Variants in WNT2 observed in about 807,000 individuals in gnomAD.
WNT2 encodes the protein Wnt family member 2.
In WNT2, 12 loss-of-function variants were observed where a neutral mutation model predicts 36.9. That is an observed-to-expected ratio of 0.33 (90% CI 0.21 to 0.53). WNT2 has a LOEUF of 0.53. WNT2 is among the 20% of genes least tolerant of loss of function. The pLI is 0.95. For missense variants in WNT2, 379 were observed against 473.1 expected (o/e 0.80, Z 1.84); for synonymous variants, 163 against 174.6 (o/e 0.93, Z 0.52).
At chr7:117,314,452 A>T (rs1795176905) in intron 3 of WNT2, among the ~76,000 whole-genome samples, 1 of 152,194 alleles carries the variant, frequency 6.6e-6, no homozygotes, top group Non-Finnish European at 1.5e-5. Flanking sequence ...TAAAGGGTGT[A>T]CACTGACTGG....
chr7:117,283,101 T>A (rs1489241309), intron 4 of WNT2, among the ~76,000 whole-genome samples: 1 of 152,116 alleles, frequency 6.6e-6, no homozygotes, highest in African/African-American at 2.4e-5. Context: ...TTTCAACAGG[T>A]TGAGTTTGCT....
intron 4 of WNT2, 139 bp downstream of exon 4, chr7:117,297,473 T>C (rs1794814313): frequency 8.5e-6 from 10 of 1,172,034 alleles, no homozygotes; most frequent in Non-Finnish European, 1.2e-5. Flanking sequence ...CCCAGCCCTG[T>C]ACAGTTTCAA....
At chr7:117,283,328 G>T (rs1794521473) in intron 4 of WNT2, among the ~76,000 whole-genome samples, 1 of 152,190 alleles carries the variant, frequency 6.6e-6, no homozygotes, top group African/African-American at 2.4e-5. Flanking sequence ...TTGTTCACAT[G>T]CGCTGAGCAG....
chr7:117,309,619 A>G (rs1447192516), intron 3 of WNT2, among the ~76,000 whole-genome samples: 1 of 152,212 alleles, frequency 6.6e-6, no homozygotes, highest in East Asian at 1.9e-4. Context: ...CACCTGGTGT[A>G]TATGCATAAG....
chr7:117,304,737 T>G (rs1359822148), intron 3 of WNT2, among the ~76,000 whole-genome samples: 1 of 152,126 alleles, frequency 6.6e-6, no homozygotes. Flanking sequence ...CATCTGGTCA[T>G]TTTTTTCTTT....
chr7:117,282,324 CAAG>C (rs1343232772), intron 4 of WNT2, among the ~76,000 whole-genome samples: 4 of 149,630 alleles, frequency 2.7e-5, no homozygotes, highest in African/African-American at 9.9e-5. Context: ...ATTTCAATAA[CAAG>C]AAGAAGGTGG....
intron 4 of WNT2, 136 bp from the exon 5 acceptor site, chr7:117,278,520 C>T (rs1053661975): frequency 3.8e-5 from 32 of 839,236 alleles, no homozygotes; most frequent in African/African-American, 2.1e-4. Context: ...CTGTTATACT[C>T]GTTCTGTGGG....
chr7:117,289,052 T>C (rs1189370137), intron 4 of WNT2, among the ~76,000 whole-genome samples: 1 of 79,712 alleles, frequency 1.3e-5, no homozygotes, highest in Admixed American at 1.5e-4. Context: ...CACGTTAGAC[T>C]TTTTTTTTTT....
intron 4 of WNT2, 135 bp downstream of exon 4, chr7:117,297,477 G>A: frequency 8.2e-7 from 1 of 1,218,598 alleles, no homozygotes; most frequent in Non-Finnish European, 1.1e-6. Context: ...GCCCTGTACA[G>A]TTTCAATAAG....
chr7:117,276,213 G>A lies in WNT2; in HGVS notation c.*1942C>T, dbSNP rs889883579. On this transcript the variant is annotated 3_prime_UTR_variant, in exon 5 of 5. Coordinates refer to ENST00000265441, the MANE Select transcript of WNT2 (RefSeq NM_003391.3). ...TGTCTCCTAAGATCCTTTCCAATTTGAAACACAGCCTGGATTGATGATTTC... is the reference window on the plus strand; with the variant it reads ...TGTCTCCTAAGATCCTTTCCAATTTAAAACACAGCCTGGATTGATGATTTC... 6.6e-6 allele frequency among the ~76,000 whole-genome samples: 1 copy of A among 152,196 alleles called. No individual in the cohort carries two copies. The highest frequency in any genetic ancestry group is 1.5e-5 in the Non-Finnish European group (1 of 68,030).
At chr7:117,310,698 G>T (rs942441938) in intron 3 of WNT2, among the ~76,000 whole-genome samples, 4 of 149,608 alleles carry the variant, frequency 2.7e-5, no homozygotes, top group Admixed American at 2.7e-4. Context: ...TAGAGTTCTT[G>T]TATCCCTCAA....
At chr7:117,318,843 A>C (rs1026095014) in intron 2 of WNT2, among the ~76,000 whole-genome samples, 1 of 152,204 alleles carries the variant, frequency 6.6e-6, no homozygotes, top group Non-Finnish European at 1.5e-5. Context: ...CAGCAATTCT[A>C]CAGCTCTGAA....
chr7:117,280,721 A>G (rs1316865318), intron 4 of WNT2, among the ~76,000 whole-genome samples: 5 of 152,242 alleles, frequency 3.3e-5, no homozygotes, highest in African/African-American at 1.2e-4. Context: ...CCTGTGCAAA[A>G]CTGGAATAAA....
At chr7:117,300,354 G>A (rs1584686706) in intron 3 of WNT2, among the ~76,000 whole-genome samples, 1 of 152,020 alleles carries the variant, frequency 6.6e-6, no homozygotes, top group South Asian at 2.1e-4. Flanking sequence ...GCCTGGCTAA[G>A]TTTTGTATTT....
At chr7:117,314,438 TG>T (rs1430432065) in intron 3 of WNT2, among the ~76,000 whole-genome samples, 1 of 152,178 alleles carries the variant, frequency 6.6e-6, no homozygotes, top group East Asian at 1.9e-4. Context: ...TAACAAATGA[TG>T]GTTAAAGGGT....
intron 4 of WNT2, among the ~76,000 whole-genome samples, chr7:117,286,123 A>AT (rs1344134283): frequency 6.6e-6 from 1 of 152,196 alleles, no homozygotes; most frequent in East Asian, 1.9e-4. Context: ...AATGCATAAG[A>AT]TTAAAAAAAA....
chr7:117,289,820 A>C (rs1042796641), intron 4 of WNT2, among the ~76,000 whole-genome samples: 2 of 152,150 alleles, frequency 1.3e-5, no homozygotes. Context: ...TGCTCAAAAG[A>C]ACATAGCTCT....
intron 2 of WNT2, among the ~76,000 whole-genome samples, chr7:117,318,996 T>C (rs771556903): frequency 1.6e-4 from 24 of 152,238 alleles, no homozygotes; most frequent in Non-Finnish European, 3.1e-4. Context: ...TGTAGATATC[T>C]TAATAGATCC....
intron 4 of WNT2, among the ~76,000 whole-genome samples, chr7:117,278,763 C>T (rs1409831677): frequency 3.3e-5 from 5 of 152,238 alleles, no homozygotes; most frequent in African/African-American, 1.2e-4. Context: ...TCCATCCTGG[C>T]TCCTTCTCCC....
Sources: gnomAD v4.1 joint callset for allele counts (sites outside exome capture counted in the v4.1 genomes callset) on GRCh38, gnomAD v4.1.1 for gene constraint, MANE v1.5 for transcripts, NCBI Gene and HGNC (gene_info 2026-07-23, HGNC 2026-07-21) for gene names.